Variants in GGA1 observed in about 807,000 individuals in gnomAD.
The protein encoded by GGA1 is ADP-ribosylation factor-binding protein GGA1.
A neutral mutation model predicts 76.9 loss-of-function variants in GGA1; 18 were observed. That is an observed-to-expected ratio of 0.23 (90% confidence interval 0.16 to 0.35). GGA1 has a LOEUF of 0.35. Ranked by LOEUF, GGA1 falls within the 10% of genes least tolerant of loss-of-function variation. The pLI is 1.00. For synonymous variants in GGA1, 342 were observed against 354.7 expected, an observed-to-expected ratio of 0.96 and a Z score of 0.40; for missense variants, 755 against 859.0, an observed-to-expected ratio of 0.88 and a Z score of 1.51.
chr22:37,614,853 C>G lies in GGA1; in HGVS notation c.128+579C>G, dbSNP rs1383944026. The stretch of plus-strand genomic sequence containing the variant: ...AATTAGCTGGGCGTGGTGGCACGTG[C>G]CTGTAATCCCAGCTACTCAGGAGGC... On this transcript the variant is annotated intron_variant, in intron 2 of 16. Coordinates refer to ENST00000343632, the MANE Select transcript of GGA1 (RefSeq NM_013365.5). Among the ~76,000 whole-genome samples, 3 of 152,206 alleles carry G rather than the reference C, an allele frequency of 2.0e-5. No homozygotes were observed. In the East Asian group the frequency reaches 5.8e-4, roughly 29 times the overall value.
chr22:37,623,604 G>A lies in GGA1; in HGVS notation c.803G>A (p.Ser268Asn). ...RMRPTLFRLA[S>N]DTEDNDEALA... The stretch of plus-strand genomic sequence containing the variant: ...CGGCCCACGCTCTTCCGACTGGCGA[G>A]TGACACAGAGGACAATGATGAGGCC... The change falls in exon 9 of 17, where the codon AGT (serine) becomes AAT (asparagine). Residue 268 changes from serine to asparagine, a missense_variant. By Grantham distance (46) the Ser-to-Asn change is conservative. Transcript: ENST00000343632. This position sits in a 1 kb window ranked among gnomAD's most constrained non-coding sequence, Gnocchi z 4.6. 6.3e-7 allele frequency: 1 copy of A among 1,596,494 alleles called. No homozygotes were observed. The highest frequency in any genetic ancestry group is 8.5e-7 in the Non-Finnish European group (1 of 1,171,394).
rs546835545 is a variant in GGA1 at position 37,620,129 on chromosome 22, A to G, written c.304-109A>G. 16 of 1,251,076 alleles carry G rather than the reference A, an allele frequency of 1.3e-5. No homozygotes were observed. The Admixed American group carries it at 2.8e-4, about 22-fold the overall frequency. 77.5% of individuals were successfully genotyped at this position (1,251,076 alleles called of 1,614,324 possible). ...CGGGGCTATGAGGACCCTGTAGGCTAGAGGGCTTCCCGGGGAGTCCTGGGG... is the reference window on the plus strand; with the variant it reads ...CGGGGCTATGAGGACCCTGTAGGCTGGAGGGCTTCCCGGGGAGTCCTGGGG... On this transcript the variant is annotated intron_variant, in intron 4 of 16. Coordinates refer to ENST00000343632, the MANE Select transcript of GGA1 (RefSeq NM_013365.5).
chr22:37,631,087 T>A lies in GGA1; in HGVS notation c.1516T>A (p.Ser506Thr). 6.3e-7 allele frequency: 1 copy of A among 1,586,990 alleles called. No homozygotes were observed. Among genetic ancestry groups the A allele is most frequent in the Non-Finnish European group, 8.6e-7 (1 of 1,168,570 alleles). ...GGCCAGCATCACTGTGCCCCTGGAG[T>A]CCATCAAACCCAGTGAGTAGGGCTG... ...SLASITVPLE[S>T]IKPSNILPVT... Residue 506 changes from serine to threonine, a missense_variant, in exon 14 of 17, where the codon TCC becomes ACC. By Grantham distance (58) the Ser-to-Thr change is moderately conservative. Coordinates refer to ENST00000343632, the MANE Select transcript of GGA1 (RefSeq NM_013365.5).
chr22:37,612,995 C>T, intron 1 of GGA1: 1 of 985,438 alleles, frequency 1.0e-6, no homozygotes, highest in Non-Finnish European at 1.2e-6. Flanking sequence ...TTTGCCTGCC[C>T]TCAGCTGACT....
rs1469393247 is a variant in GGA1, at chr22:37,618,463, A to G, written c.220A>G (p.Met74Val). Residue 74 changes from methionine to valine, a missense_variant, in exon 4 of 17, where the codon ATG becomes GTG. Physicochemically the swap from Met to Val is conservative, Grantham distance 21 (BLOSUM62 1). Coordinates refer to ENST00000343632, the MANE Select transcript of GGA1 (RefSeq NM_013365.5). ...CCCTGCACAGGTGCTGGAAACATGC[A>G]TGAAGAGCTGCGGCAAGCGGTTCCA... The part of the protein sequence containing the change: ...IQALTVLETC[M>V]KSCGKRFHDE... 4.3e-6 allele frequency: 7 copies of G among 1,611,472 alleles called. No individual in the cohort carries two copies. The highest frequency in any genetic ancestry group is 3.3e-5 in the Admixed American group (2 of 59,994).
At chr22:37,617,588 C>G in intron 3 of GGA1, 1 of 942,150 alleles carries the variant, frequency 1.1e-6, no homozygotes, top group Non-Finnish European at 1.3e-6. Flanking sequence ...AATTTCAGCA[C>G]TTGGGGAGGC....
chr22:37,625,593 A>G lies in GGA1; in HGVS notation c.941-204A>G, dbSNP rs1930666196. ...TGCCCAGTAGAGCTAAGAAGGAAATACATTCCGGACAGAAGTACCATCATA... is the reference window on the plus strand; with the variant it reads ...TGCCCAGTAGAGCTAAGAAGGAAATGCATTCCGGACAGAAGTACCATCATA... On this transcript the variant is annotated intron_variant, in intron 10 of 16. Coordinates refer to ENST00000343632, the MANE Select transcript of GGA1 (RefSeq NM_013365.5). The surrounding 1 kb of genome is among the most constrained non-coding windows in gnomAD (Gnocchi z 4.1). Among the ~76,000 whole-genome samples, 1 of 152,134 alleles carries G rather than the reference A, an allele frequency of 6.6e-6. No homozygotes were observed. Among genetic ancestry groups the G allele is most frequent in the Non-Finnish European group, 1.5e-5 (1 of 68,014 alleles).
At chr22:37,618,260 C>T (rs568493517) in intron 3 of GGA1, 188 bp from the exon 4 acceptor site, 105 of 570,004 alleles carry the variant, frequency 1.8e-4, no homozygotes, top group Middle Eastern at 4.7e-4. Flanking sequence ...GTCGCCTGAC[C>T]CTATCTCCCA....
Position 37,625,186 on chromosome 22 carries a change from C to T in GGA1, c.940+110C>T. On this transcript the variant is annotated intron_variant, in intron 10 of 16. Transcript: ENST00000343632. The surrounding 1 kb of genome is among the most constrained non-coding windows in gnomAD (Gnocchi z 4.1). ...CGGCTGGAATGACTGCCAGGGTGAC[C>T]CTGGCCCCTTAAGATGGGGAAGGCC... 1 of 1,001,896 alleles carries T rather than the reference C, an allele frequency of 1.0e-6. No individual in the cohort carries two copies. Among genetic ancestry groups the T allele is most frequent in the South Asian group, 1.5e-5 (1 of 67,392 alleles). 62.1% of individuals were successfully genotyped at this position (1,001,896 alleles called of 1,614,324 possible).
intron 1 of GGA1, chr22:37,612,677 GGAA>G (rs1927946578): frequency 6.6e-6 from 1 of 151,954 alleles, no homozygotes. Flanking sequence ...GGGAGGCTGA[GGAA>G]GGAGAATGGC....
Position 37,623,346 on chromosome 22 carries a change from A to G in GGA1, c.629A>G (p.Lys210Arg). 6.2e-7 allele frequency: 1 copy of G among 1,614,092 alleles called. No individual in the cohort carries two copies. The highest frequency in any genetic ancestry group is 8.5e-7 in the Non-Finnish European group (1 of 1,179,968). ...CCCCAGGACCAGAAGCGGATGGAGA[A>G]GATCTCGAAGAGGGTGAATGCCATC... ...MVQEDQKRME[K>R]ISKRVNAIEE... Residue 210 changes from lysine (K) to arginine (R), a missense_variant, in exon 8 of 17, where the codon AAG becomes AGG. Coordinates refer to ENST00000343632, the MANE Select transcript of GGA1 (RefSeq NM_013365.5). This position sits in a 1 kb window ranked among gnomAD's most constrained non-coding sequence, Gnocchi z 4.6.
Position 37,630,121 on chromosome 22 carries a change from A to C in GGA1, c.1282A>C (p.Lys428Gln). The change falls in exon 13 of 17, where the codon AAG becomes CAG. Residue 428 changes from lysine (K) to glutamine (Q), a missense_variant. Coordinates refer to ENST00000343632, the MANE Select transcript of GGA1 (RefSeq NM_013365.5). The stretch of plus-strand genomic sequence containing the variant: ...TCTGGACGACCTAGACCTCCTGGGG[A>C]AGACCCTCCTGCAGCAGTCGCTGCC... ...SGLDDLDLLG[K>Q]TLLQQSLPPE... is the part of the protein sequence containing the mutation. The C allele has an allele frequency of 6.2e-7, 1 of 1,607,722 alleles. No individual in the cohort carries two copies. Among genetic ancestry groups the C allele is most frequent in the Non-Finnish European group, 8.5e-7 (1 of 1,177,188 alleles).
At chr22:37,629,621 C>T in intron 12 of GGA1, 95 bp downstream of exon 12, 2 of 804,056 alleles carry the variant, frequency 2.5e-6, no homozygotes, top group Non-Finnish European at 3.9e-6. Flanking sequence ...GATGGATGGG[C>T]TCTACTCAAG....
intron 1 of GGA1, among the ~76,000 whole-genome samples, chr22:37,613,650 C>G (rs1928182394): frequency 6.6e-6 from 1 of 151,966 alleles, no homozygotes; most frequent in South Asian, 2.1e-4. Flanking sequence ...CCACCCACCT[C>G]AGCCTCCCAA....
Position 37,612,187 on chromosome 22 carries a change from G to A in GGA1, c.44-2003G>A, listed in dbSNP as rs116520344. 9.1e-3 allele frequency among the ~76,000 whole-genome samples: 1,371 copies of A among 150,738 alleles called. 26 individuals are homozygous for A. The highest frequency in any genetic ancestry group is 0.031 in the African/African-American group (1,283 of 41,002). On this transcript the variant is annotated intron_variant, in intron 1 of 16. Transcript: ENST00000343632. ...AAATAAAAATAAAAAAATACAGGCC[G>A]GACGCAGTGGCTCACACCTGTAATT...
At chr22:37,630,733 G>GT (rs1601561443) in intron 13 of GGA1, 170 bp from the exon 14 acceptor site, 2 of 585,656 alleles carry the variant, frequency 3.4e-6, no homozygotes, top group East Asian at 6.0e-5. Flanking sequence ...CGCCCAGCTA[G>GT]TTTTTTGTAT....
chr22:37,617,075 T>C (rs1446922999), intron 3 of GGA1, 78 bp downstream of exon 3: 6 of 1,549,708 alleles, frequency 3.9e-6, no homozygotes, highest in Non-Finnish European at 5.2e-6. Flanking sequence ...GTTCTTGGGG[T>C]CCATAAGGCT....
Position 37,608,847 on chromosome 22 carries a change from G to C in GGA1, c.-14G>C. The C allele has an allele frequency of 7.6e-7, 1 of 1,308,792 alleles. No homozygotes were observed. Among genetic ancestry groups the C allele is most frequent in the Non-Finnish European group, 9.7e-7 (1 of 1,030,622 alleles). 81.1% of individuals were successfully genotyped at this position (1,308,792 alleles called of 1,614,324 possible). ...GGGCGGGGGGGCGGTGCCGAGGCTGGGGGCCGGTGGCGGATGGAGCCCGCG... is the reference window on the plus strand; with the variant it reads ...GGGCGGGGGGGCGGTGCCGAGGCTGCGGGCCGGTGGCGGATGGAGCCCGCG... On this transcript the variant is annotated 5_prime_UTR_variant, in exon 1 of 17. Coordinates refer to ENST00000343632, the MANE Select transcript of GGA1 (RefSeq NM_013365.5).
chr22:37,625,150 T>C lies in GGA1; in HGVS notation c.940+74T>C. 1 of 1,341,678 alleles carries C rather than the reference T, an allele frequency of 7.5e-7. No individual in the cohort carries two copies. Among genetic ancestry groups the C allele is most frequent in the Non-Finnish European group, 1.0e-6 (1 of 961,122 alleles). The allele number at this position is 1,341,678 out of a possible 1,614,324, so 83.1% of individuals were successfully genotyped here. A position where few individuals can be genotyped will look rare whatever the true frequency, so the allele number is the denominator to read the frequency against. On this transcript the variant is annotated intron_variant, in intron 10 of 16. Coordinates refer to ENST00000343632, the MANE Select transcript of GGA1 (RefSeq NM_013365.5). This position sits in a 1 kb window ranked among gnomAD's most constrained non-coding sequence, Gnocchi z 4.1. ...GCACAGAGAGTGCAGGGTGGTGTGC[T>C]GGTCTCAGAGCGGCTGGAATGACTG...
Sources: allele counts gnomAD v4.1 joint callset (sites outside exome capture counted in the v4.1 genomes callset), GRCh38; gene constraint gnomAD v4.1.1; non-coding constraint Gnocchi (gnomAD v3.1); transcripts MANE v1.5; gene names NCBI Gene and HGNC (gene_info 2026-07-23, HGNC 2026-07-21).